The following SH3PXD2B variants were observed in gnomAD, a reference collection of about 807,000 sequenced individuals.
SH3PXD2B encodes the protein SH3 and PX domain-containing protein 2B.
Under a neutral mutation model 73.1 loss-of-function variants are expected in SH3PXD2B, and 37 were observed. That is an observed-to-expected ratio of 0.51 (90% CI 0.39 to 0.67). The LOEUF (loss-of-function observed/expected upper bound fraction) is 0.67. Among genes scored for constraint, SH3PXD2B ranks in the 30% least tolerant of loss-of-function variants. The pLI, the probability that SH3PXD2B is intolerant of heterozygous loss-of-function variation, is 0.00. For missense variants in SH3PXD2B, 1,053 were observed against 1,197.8 expected, an observed-to-expected ratio of 0.88 and a Z score of 1.78; for synonymous variants, 457 against 480.5, an observed-to-expected ratio of 0.95 and a Z score of 0.64.
chr5:172,443,715 T>G (rs554237536), intron 1 of SH3PXD2B, among the ~76,000 whole-genome samples: 1 of 152,218 alleles, frequency 6.6e-6, no homozygotes, highest in Non-Finnish European at 1.5e-5. Flanking sequence ...ATTCACACCT[T>G]GGCTGAGGAG....
At position 172,339,283 on chromosome 5, in the gene SH3PXD2B, T is replaced by C; in HGVS notation, c.1822A>G (p.Lys608Glu). 1 of 1,614,182 alleles carries C rather than the reference T, an allele frequency of 6.2e-7. No homozygotes were observed. The highest frequency in any genetic ancestry group is 8.5e-7 in the Non-Finnish European group (1 of 1,180,032). Residue 608 changes from lysine to glutamate, a missense_variant, in exon 13 of 13, where the codon AAG (lysine) becomes GAG (glutamate). Coordinates refer to ENST00000311601, the MANE Select transcript of SH3PXD2B (RefSeq NM_001017995.3). This position sits in a 1 kb window ranked among gnomAD's most constrained non-coding sequence, Gnocchi z 6.1. ...GAGATGGGCCGGAGGTTGGGCTTCTTCACTTCCTTGGCCAAGACCTTGTGG... is the reference window on the plus strand; with the variant it reads ...GAGATGGGCCGGAGGTTGGGCTTCTCCACTTCCTTGGCCAAGACCTTGTGG... ...CGHKVLAKEV[K>E]KPNLRPISKS...
intron 6 of SH3PXD2B, among the ~76,000 whole-genome samples, chr5:172,364,768 C>T (rs748753449): frequency 2.0e-5 from 3 of 152,202 alleles, no homozygotes; most frequent in Non-Finnish European, 4.4e-5. Flanking sequence ...TTGTGCATCT[C>T]TCCCCACTCT....
downstream of SH3PXD2B, among the ~76,000 whole-genome samples, chr5:172,331,221 T>A: frequency 6.6e-6 from 1 of 151,342 alleles, no homozygotes; most frequent in African/African-American, 2.4e-5. Flanking sequence ...AAATAAATGG[T>A]AATAATAATA....
In SH3PXD2B at chr5:172,444,313, G is replaced by C. The variant is rs143296844; in HGVS notation, c.75+9965C>G. ...TCCCTGGATGGCTCCAGCTGCCCAC[G>C]TTCTTTCCAAGACTGGGTGCTGAGC... On this transcript the variant is annotated intron_variant, in intron 1 of 12. Transcript: ENST00000311601. 1.6e-3 allele frequency among the ~76,000 whole-genome samples: 244 copies of C among 152,264 alleles called. 1 individual carries two copies. Among genetic ancestry groups the C allele is most frequent in the African/African-American group, 5.2e-3 (217 of 41,556 alleles).
At chr5:172,329,671 G>A (rs1226509619), downstream of SH3PXD2B, among the ~76,000 whole-genome samples, 1 of 150,802 alleles carries the variant, frequency 6.6e-6, no homozygotes, top group Non-Finnish European at 1.5e-5. Flanking sequence ...TCAAGTAGAT[G>A]GGACTACAGG....
chr5:172,330,209 C>T (rs1756529454), downstream of SH3PXD2B, among the ~76,000 whole-genome samples: 1 of 152,056 alleles, frequency 6.6e-6, no homozygotes, highest in South Asian at 2.1e-4. Context: ...AATTTTGGGT[C>T]TTTATATTTT....
intron 5 of SH3PXD2B, 35 bp from the exon 6 acceptor site, chr5:172,373,850 G>A (rs774852329): frequency 3.0e-5 from 49 of 1,611,744 alleles, no homozygotes; most frequent in African/African-American, 4.0e-5. Context: ...GAAGAGTAAC[G>A]AGTCAGTACT....
intron 4 of SH3PXD2B, among the ~76,000 whole-genome samples, chr5:172,384,311 C>T (rs1228083310): frequency 1.3e-5 from 2 of 152,150 alleles, no homozygotes; most frequent in African/African-American, 4.8e-5. Flanking sequence ...GTTGACCCTA[C>T]ACAATTATTT....
chr5:172,445,873 G>A lies in SH3PXD2B; in HGVS notation c.75+8405C>T, dbSNP rs958609527. ...TGCATCTGGGCCAGCAAATAAGGGA[G>A]GAGAAAGTCCTGCAGTTTGGAGAAT... On this transcript the variant is annotated intron_variant, in intron 1 of 12. Transcript: ENST00000311601. This position sits in a 1 kb window ranked among gnomAD's most constrained non-coding sequence, Gnocchi z 5.2. 8.5e-5 allele frequency among the ~76,000 whole-genome samples: 13 copies of A among 152,210 alleles called. No homozygotes were observed. The highest frequency in any genetic ancestry group is 2.7e-4 in the African/African-American group (11 of 41,464).
At chr5:172,431,183 G>A (rs533946935) in intron 1 of SH3PXD2B, among the ~76,000 whole-genome samples, 1 of 152,328 alleles carries the variant, frequency 6.6e-6, no homozygotes, top group Admixed American at 6.5e-5. Flanking sequence ...CACCTGTTCT[G>A]CCTAACCCCC....
rs998261002 is a variant in SH3PXD2B, at chr5:172,334,807, C to T, written c.*3562G>A. On this transcript the variant is annotated 3_prime_UTR_variant, in exon 13 of 13. Coordinates refer to ENST00000311601, the MANE Select transcript of SH3PXD2B (RefSeq NM_001017995.3). ...AAGGTCCTTCTCAAGTCCTGGCACACTCAGCACTTGCTCTTTAACGTGGCA... is the reference window on the plus strand; with the variant it reads ...AAGGTCCTTCTCAAGTCCTGGCACATTCAGCACTTGCTCTTTAACGTGGCA... 1 of 985,386 alleles carries T rather than the reference C, an allele frequency of 1.0e-6. No homozygotes were observed. The highest frequency in any genetic ancestry group is 1.2e-6 in the Non-Finnish European group (1 of 829,978). 61.0% of individuals were successfully genotyped at this position (985,386 alleles called of 1,614,324 possible).
intron 3 of SH3PXD2B, among the ~76,000 whole-genome samples, chr5:172,403,388 G>A (rs887817167): frequency 3.3e-5 from 5 of 152,284 alleles, no homozygotes; most frequent in South Asian, 2.1e-4. Context: ...GAGAGGGGGC[G>A]CTTCTTTCGT....
Position 172,400,833 on chromosome 5 carries a change from C to T in SH3PXD2B, c.232+5444G>A, listed in dbSNP as rs114003635. Among the ~76,000 whole-genome samples, 1,326 of 152,296 alleles carry T rather than the reference C, an allele frequency of 8.7e-3. 13 individuals are homozygous for T. The highest frequency in any genetic ancestry group is 0.022 in the African/African-American group (925 of 41,546). On this transcript the variant is annotated intron_variant, in intron 3 of 12. Coordinates refer to ENST00000311601, the MANE Select transcript of SH3PXD2B (RefSeq NM_001017995.3). Reference sequence around the variant, plus strand: ...CTCCAGGGAAAGTGTAATGTTGGTTCGGGCTCGAGAAGGAATCTGCATTCT... The same window carrying T: ...CTCCAGGGAAAGTGTAATGTTGGTTTGGGCTCGAGAAGGAATCTGCATTCT...
Position 172,354,010 on chromosome 5 carries a change from G to A in SH3PXD2B, c.668-5C>T, listed in dbSNP as rs199996542. ...AGATGACTGTGTACTTCTCCTCTGT[G>A]GGGACAAAAGGAAGCTGGGGTCAGA... On this transcript the variant is annotated splice_polypyrimidine_tract_variant and splice_region_variant and intron_variant, in intron 8 of 12. Coordinates refer to ENST00000311601, the MANE Select transcript of SH3PXD2B (RefSeq NM_001017995.3). The A allele has an allele frequency of 1.1e-5, 17 of 1,613,240 alleles. No individual in the cohort carries two copies. The highest frequency in any genetic ancestry group is 1.4e-5 in the Non-Finnish European group (17 of 1,179,244).
chr5:172,335,315 C>T lies in SH3PXD2B; in HGVS notation c.*3054G>A, dbSNP rs1023985584. The T allele has an allele frequency of 4.3e-5, 50 of 1,173,742 alleles. No homozygotes were observed. Among genetic ancestry groups the T allele is most frequent in the East Asian group, 1.5e-4 (4 of 26,334 alleles). The allele number at this position is 1,173,742 out of a possible 1,614,324, so 72.7% of individuals were successfully genotyped here. A position where few individuals can be genotyped will look rare whatever the true frequency, so the allele number is the denominator to read the frequency against. ...CCTACTGAAATGTGTGAGCAAGGGG[C>T]GGGGGGAAGAGGCACCGAAATTCAG... is the stretch of plus-strand genomic sequence containing the variant. On this transcript the variant is annotated 3_prime_UTR_variant, in exon 13 of 13. Transcript: ENST00000311601.
intron 1 of SH3PXD2B, among the ~76,000 whole-genome samples, chr5:172,450,032 A>G (rs1759759196): frequency 6.6e-6 from 1 of 152,210 alleles, no homozygotes; most frequent in Non-Finnish European, 1.5e-5. Context: ...AAAAACATTA[A>G]AAGGTCCATG....
intron 3 of SH3PXD2B, among the ~76,000 whole-genome samples, chr5:172,399,082 A>G (rs1410373161): frequency 1.3e-5 from 2 of 152,248 alleles, no homozygotes; most frequent in Non-Finnish European, 2.9e-5. Context: ...ATCTGAATTT[A>G]ACTGAAGTTC....
intron 5 of SH3PXD2B, 47 bp downstream of exon 5, chr5:172,381,989 G>T: frequency 6.7e-7 from 1 of 1,484,428 alleles, no homozygotes; most frequent in South Asian, 1.2e-5. Context: ...ACTGGCAGGA[G>T]GGAGGGCTGT....
Position 172,335,276 on chromosome 5 carries a change from C to T in SH3PXD2B, c.*3093G>A. The T allele has an allele frequency of 8.9e-7, 1 of 1,121,868 alleles. No homozygotes were observed. The highest frequency in any genetic ancestry group is 1.1e-6 in the Non-Finnish European group (1 of 919,006). The allele number at this position is 1,121,868 out of a possible 1,614,324, so 69.5% of individuals were successfully genotyped here. A position where few individuals can be genotyped will look rare whatever the true frequency, so the allele number is the denominator to read the frequency against. Reference sequence around the variant, plus strand: ...AATCTCTGCCCACCTTTTGGGCTGCCATTTGGCCTGTGACCTACTGAAATG... The same window carrying T: ...AATCTCTGCCCACCTTTTGGGCTGCTATTTGGCCTGTGACCTACTGAAATG... On this transcript the variant is annotated 3_prime_UTR_variant, in exon 13 of 13. Coordinates refer to ENST00000311601, the MANE Select transcript of SH3PXD2B (RefSeq NM_001017995.3).
Sources: allele counts gnomAD v4.1 joint callset (sites outside exome capture counted in the v4.1 genomes callset), GRCh38; gene constraint gnomAD v4.1.1; non-coding constraint Gnocchi (gnomAD v3.1); transcripts MANE v1.5; gene names NCBI Gene and HGNC (gene_info 2026-07-23, HGNC 2026-07-21).